The following CUL4B variants were observed in gnomAD, a reference collection of about 807,000 sequenced individuals.
The protein encoded by CUL4B is cullin 4B, also known as cullin-4B.
A neutral mutation model predicts 69.2 loss-of-function variants in CUL4B; 1 was observed. That is an observed-to-expected ratio of 0.01 (90% CI 0.01 to 0.07). The LOEUF is 0.07. Ranked by LOEUF, CUL4B falls within the 10% of genes least tolerant of loss-of-function variation. The pLI, the probability that CUL4B is intolerant of heterozygous loss-of-function variation, is 1.00. For synonymous variants in CUL4B, 237 were observed against 223.2 expected (o/e 1.06, Z -0.55); for missense variants, 328 against 638.8 (o/e 0.51, Z 5.24).
At chrX:120,552,809 G>A (rs1422444928) in intron 2 of CUL4B, among the ~76,000 whole-genome samples, 3 of 112,378 alleles carry the variant, frequency 2.7e-5, no homozygotes, top group Non-Finnish European at 5.6e-5. Flanking sequence ...AAGGAGTGGA[G>A]TCTTAGTTTT....
intron 4 of CUL4B, among the ~76,000 whole-genome samples, chrX:120,546,263 T>C (rs1021789849): frequency 1.8e-5 from 2 of 110,315 alleles, no homozygotes; most frequent in Non-Finnish European, 3.8e-5. Flanking sequence ...GATAAAAGAC[T>C]ACAATGGTGC....
At chrX:120,547,352 TCATC>T (rs944464717) in intron 2 of CUL4B, 113 bp from the exon 3 acceptor site, 1 of 534,151 alleles carries the variant, frequency 1.9e-6, no homozygotes, top group African/African-American at 2.3e-5. Context: ...AAAGGGTTAT[TCATC>T]CACTTAAGAC....
chrX:120,528,222 C>A (rs759195145), intron 19 of CUL4B, among the ~76,000 whole-genome samples: 2 of 107,163 alleles, frequency 1.9e-5, no homozygotes, highest in Non-Finnish European at 3.8e-5. Flanking sequence ...GACTGGCTAA[C>A]ATGGCAAAAC....
intron 2 of CUL4B, among the ~76,000 whole-genome samples, chrX:120,557,465 A>C (rs1342423216): frequency 8.9e-6 from 1 of 111,871 alleles, no homozygotes; most frequent in Non-Finnish European, 1.9e-5. Flanking sequence ...GTATTAGAAA[A>C]ATGTAAAGAG....
At chrX:120,541,421 C>T (rs183811289) in intron 10 of CUL4B, among the ~76,000 whole-genome samples, 181 bp downstream of exon 10, 15 of 110,781 alleles carry the variant, frequency 1.4e-4, no homozygotes, top group South Asian at 1.1e-3. Flanking sequence ...ATCACTTGAA[C>T]CTGGGAGGCA....
intron 10 of CUL4B, among the ~76,000 whole-genome samples, chrX:120,540,772 G>A (rs1190848673): frequency 8.9e-6 from 1 of 112,043 alleles, no homozygotes; most frequent in Non-Finnish European, 1.9e-5. Context: ...CAAGTAGCTG[G>A]AGTTACAGGC....
chrX:120,560,723 C>T lies in CUL4B; in HGVS notation c.-85G>A. 8.8e-7 allele frequency: 1 copy of T among 1,131,519 alleles called. No individual in the cohort carries two copies. Among genetic ancestry groups the T allele is most frequent in the Non-Finnish European group, 1.2e-6 (1 of 860,689 alleles). The allele number at this position is 1,131,519 out of a possible 1,213,427, so 93.2% of individuals were successfully genotyped here. A position where few individuals can be genotyped will look rare whatever the true frequency, so the allele number is the denominator to read the frequency against. On this transcript the variant is annotated 5_prime_UTR_variant, in exon 1 of 20. Coordinates refer to ENST00000371322, the MANE Select transcript of CUL4B (RefSeq NM_001079872.2). The stretch of plus-strand genomic sequence containing the variant: ...GCGTGTAGGAGAGAAGGTAGCAATG[C>T]TAGAGGGGGAAGGGAAGAAAGAAGA...
At chrX:120,571,619 A>T (rs1197127202) in exon 3 of CUL4B, 1 of 111,590 alleles carries the variant, frequency 9.0e-6, no homozygotes, top group African/African-American at 3.3e-5. Context: ...ATTACTTGAA[A>T]AGGGGAACAG....
intron 2 of CUL4B, among the ~76,000 whole-genome samples, chrX:120,551,121 C>T (rs985549505): frequency 9.0e-6 from 1 of 111,703 alleles, no homozygotes; most frequent in Non-Finnish European, 1.9e-5. Flanking sequence ...CAATAAAAGC[C>T]TTTCTAACTT....
At chrX:120,558,681 A>C (rs1925117694) in intron 1 of CUL4B, among the ~76,000 whole-genome samples, 1 of 112,332 alleles carries the variant, frequency 8.9e-6, no homozygotes, top group Non-Finnish European at 1.9e-5. Context: ...TGACTCCAGA[A>C]ACCATGTTGC....
At chrX:120,545,950 G>C (rs1305177091) in intron 4 of CUL4B, among the ~76,000 whole-genome samples, 1 of 110,122 alleles carries the variant, frequency 9.1e-6, no homozygotes, top group Non-Finnish European at 1.9e-5. Flanking sequence ...AAATGGAAAA[G>C]GTTGTTATCT....
chrX:120,540,597 G>T, intron 10 of CUL4B, 35 bp from the exon 11 acceptor site: 2 of 1,001,549 alleles, frequency 2.0e-6, no homozygotes, highest in Non-Finnish European at 2.8e-6. Context: ...TACTGTAATC[G>T]AATTGTCTAC....
At chrX:120,556,448 C>T (rs1046079522) in intron 2 of CUL4B, among the ~76,000 whole-genome samples, 2 of 111,583 alleles carry the variant, frequency 1.8e-5, no homozygotes, top group African/African-American at 6.5e-5. Context: ...TGCCTGGAGG[C>T]GTTTTCCACA....
At chrX:120,548,230 C>T (rs752550547) in intron 2 of CUL4B, among the ~76,000 whole-genome samples, 3 of 110,450 alleles carry the variant, frequency 2.7e-5, no homozygotes, top group Non-Finnish European at 3.8e-5. Context: ...ACCATGACTA[C>T]GCCACTGCAC....
Position 120,543,037 on chromosome X carries a change from C to CA in CUL4B, c.1257-5dup. ...TACAGTAGCAATTAATGACTTCCTA[C>CA]AAGGAAAAAAAAAAAGGTTAGTATT... On this transcript the variant is annotated splice_region_variant and splice_polypyrimidine_tract_variant and intron_variant, in intron 8 of 19. Transcript: ENST00000371322. The CA allele has an allele frequency of 9.0e-7, 1 of 1,116,181 alleles. No homozygotes were observed. Among genetic ancestry groups the CA allele is most frequent in the African/African-American group, 1.9e-5 (1 of 52,284 alleles). 92.0% of individuals were successfully genotyped at this position (1,116,181 alleles called of 1,213,427 possible). A position where few individuals can be genotyped will look rare whatever the true frequency, so the allele number is the denominator to read the frequency against.
chrX:120,566,973 G>A (rs757852741), downstream of CUL4B, among the ~76,000 whole-genome samples: 1 of 111,010 alleles, frequency 9.0e-6, no homozygotes, highest in Admixed American at 9.6e-5. Context: ...TATATTTGGC[G>A]AGCTGATGTG....
chrX:120,528,084 A>C (rs1266768579), intron 19 of CUL4B, among the ~76,000 whole-genome samples: 1 of 112,020 alleles, frequency 8.9e-6, no homozygotes, highest in Non-Finnish European at 1.9e-5. Flanking sequence ...CTTCATTTTT[A>C]TAAATTAAGA....
chrX:120,545,337 T>C (rs1924250371), intron 5 of CUL4B, 107 bp downstream of exon 5: 2 of 591,180 alleles, frequency 3.4e-6, no homozygotes, highest in African/African-American at 4.5e-5. Context: ...TAGAACCAAA[T>C]GTGAATTTTT....
intron 9 of CUL4B, 40 bp downstream of exon 9, chrX:120,542,926 C>CAA: frequency 9.8e-7 from 1 of 1,018,065 alleles, no homozygotes; most frequent in Middle Eastern, 2.6e-4. Flanking sequence ...TTGCCACTAC[C>CAA]ATTTAAAAAG....
Sources: allele counts gnomAD v4.1 joint callset (sites outside exome capture counted in the v4.1 genomes callset), GRCh38; gene constraint gnomAD v4.1.1; transcripts MANE v1.5; gene names NCBI Gene and HGNC (gene_info 2026-07-23, HGNC 2026-07-21).